Variants in SCFD1 observed in about 807,000 individuals in gnomAD.
SCFD1 encodes the protein sec1 family domain-containing protein 1.
Under a neutral mutation model 103.2 loss-of-function variants are expected in SCFD1, and 37 were observed. That is an observed-to-expected ratio of 0.36 (90% CI 0.28 to 0.47). The LOEUF (loss-of-function observed/expected upper bound fraction) is 0.47, where lower values mean the gene tolerates loss of function less well. Among genes scored for constraint, SCFD1 ranks in the 20% least tolerant of loss-of-function variants. The pLI is 1.00. For missense variants in SCFD1, 639 were observed against 761.2 expected (o/e 0.84, Z 1.89); for synonymous variants, 264 against 245.0 (o/e 1.08, Z -0.73).
intron 7 of SCFD1, among the ~76,000 whole-genome samples, chr14:30,648,091 C>T (rs1347327476): frequency 3.9e-5 from 6 of 152,132 alleles, no homozygotes; most frequent in African/African-American, 1.4e-4. Flanking sequence ...TACATATACA[C>T]ACAGACTTAG....
chr14:30,627,585 A>G (rs1883608872), intron 1 of SCFD1, among the ~76,000 whole-genome samples: 1 of 152,018 alleles, frequency 6.6e-6, no homozygotes, highest in Non-Finnish European at 1.5e-5. Flanking sequence ...CATCTCTACT[A>G]GAAATACAAA....
intron 6 of SCFD1, among the ~76,000 whole-genome samples, chr14:30,642,409 A>G (rs183507600): frequency 1.5e-3 from 229 of 152,284 alleles, no homozygotes; most frequent in African/African-American, 5.2e-3. Flanking sequence ...TAGGTTTTTT[A>G]GAATTATTCA....
At chr14:30,657,983 A>G (rs1348314013) in intron 10 of SCFD1, 1 of 402,346 alleles carries the variant, frequency 2.5e-6, no homozygotes, top group Non-Finnish European at 4.9e-6. Context: ...AAAAAAAAAG[A>G]AAAAGCAACT....
intron 10 of SCFD1, among the ~76,000 whole-genome samples, chr14:30,663,430 A>G (rs1353455165): frequency 6.6e-6 from 1 of 152,124 alleles, no homozygotes; most frequent in African/African-American, 2.4e-5. Context: ...CAATTGTGCT[A>G]TTTTTACTTT....
Position 30,665,415 on chromosome 14 carries a change from C to T in SCFD1, c.856-4841C>T, listed in dbSNP as rs565724598. Among the ~76,000 whole-genome samples the T allele has an allele frequency of 2.6e-5, 4 of 152,250 alleles. No individual in the cohort carries two copies. In the South Asian group the frequency reaches 8.3e-4, roughly 32 times the overall value. ...AAGCACTAAACATGGAAAGGAACAACCAGTACCAGCCACTGCAAAAACATG... is the reference window on the plus strand; with the variant it reads ...AAGCACTAAACATGGAAAGGAACAATCAGTACCAGCCACTGCAAAAACATG... On this transcript the variant is annotated intron_variant, in intron 10 of 24. Coordinates refer to ENST00000458591, the MANE Select transcript of SCFD1 (RefSeq NM_016106.4).
At chr14:30,724,198 A>G (rs373882145) in intron 23 of SCFD1, among the ~76,000 whole-genome samples, 9 of 78,304 alleles carry the variant, frequency 1.1e-4, no homozygotes, top group Non-Finnish European at 2.3e-4. Context: ...GGCCACATGT[A>G]TGTCTTCTTT....
At chr14:30,663,432 T>G (rs1468230006) in intron 10 of SCFD1, among the ~76,000 whole-genome samples, 3 of 152,240 alleles carry the variant, frequency 2.0e-5, no homozygotes, top group African/African-American at 7.2e-5. Flanking sequence ...ATTGTGCTAT[T>G]TTTACTTTCT....
In SCFD1 at chr14:30,676,894, G is replaced by A. The variant is rs751268231; in HGVS notation, c.1242+1829G>A. Among the ~76,000 whole-genome samples, 132 of 152,216 alleles carry A rather than the reference G, an allele frequency of 8.7e-4. 3 individuals carry two copies. The highest frequency in any genetic ancestry group is 2.3e-3 in the Admixed American group (35 of 15,284). On this transcript the variant is annotated intron_variant, in intron 14 of 24. Coordinates refer to ENST00000458591, the MANE Select transcript of SCFD1 (RefSeq NM_016106.4). ...GATTTATAAGACATAATTTACTTAC[G>A]AAATTTTTATCGTGCTTATTATAAT...
intron 10 of SCFD1, among the ~76,000 whole-genome samples, chr14:30,664,600 C>CTG (rs1290068407): frequency 6.6e-6 from 1 of 151,990 alleles, no homozygotes; most frequent in Non-Finnish European, 1.5e-5. Context: ...TTTCTCCAAG[C>CTG]TGAAGGAGGA....
rs1293345750 is a variant in SCFD1 at position 30,700,971 on chromosome 14, A to C, written c.1410+713A>C. 2.6e-5 allele frequency among the ~76,000 whole-genome samples: 4 copies of C among 152,356 alleles called. No individual in the cohort carries two copies. The South Asian group carries it at 8.3e-4, about 32-fold the overall frequency. ...ATACGTTGTCTATTCTGTAAAAGAA[A>C]GTGGTGATTTTGGTATCAGACTTCT... is the stretch of plus-strand genomic sequence containing the variant. On this transcript the variant is annotated intron_variant, in intron 16 of 24. Coordinates refer to ENST00000458591, the MANE Select transcript of SCFD1 (RefSeq NM_016106.4).
chr14:30,653,497 G>A lies in SCFD1; in HGVS notation c.764G>A (p.Arg255Lys). 1 of 1,609,214 alleles carries A rather than the reference G, an allele frequency of 6.2e-7. No individual in the cohort carries two copies. The highest frequency in any genetic ancestry group is 8.5e-7 in the Non-Finnish European group (1 of 1,176,074). Residue 255 changes from arginine (R) to lysine (K), a missense_variant, in exon 10 of 25, where the codon AGG (arginine) becomes AAG (lysine). Transcript: ENST00000458591. ...TATATGTATATTTACAGCTTCCAGAGGCCCTTATTAGTCCTTGTTGACAGA... is the reference window on the plus strand; with the variant it reads ...TATATGTATATTTACAGCTTCCAGAAGCCCTTATTAGTCCTTGTTGACAGA... ...TLGAGQFSFQ[R>K]PLLVLVDRNI...
chr14:30,726,479 A>G (rs1404398266), intron 23 of SCFD1, among the ~76,000 whole-genome samples: 1 of 152,208 alleles, frequency 6.6e-6, no homozygotes, highest in Non-Finnish European at 1.5e-5. Context: ...TAGCAATTAC[A>G]TTATGATTTA....
chr14:30,734,775 C>T lies in SCFD1; in HGVS notation c.1837-15C>T, dbSNP rs772212543. ...CTTGTTACTTGTATCTAAGTTCTGA[C>T]TCTGATTTTTACAGGGGAAACAAGG... On this transcript the variant is annotated splice_polypyrimidine_tract_variant and intron_variant, in intron 23 of 24. Coordinates refer to ENST00000458591, the MANE Select transcript of SCFD1 (RefSeq NM_016106.4). The T allele has an allele frequency of 2.5e-6, 4 of 1,601,560 alleles. No homozygotes were observed. Among genetic ancestry groups the T allele is most frequent in the Non-Finnish European group, 3.4e-6 (4 of 1,168,786 alleles).
chr14:30,643,547 G>A (rs1885504027), intron 7 of SCFD1, 142 bp downstream of exon 7: 1 of 618,202 alleles, frequency 1.6e-6, no homozygotes, highest in East Asian at 2.8e-5. Flanking sequence ...ATATTCAATA[G>A]TATATAAAAA....
intron 14 of SCFD1, among the ~76,000 whole-genome samples, chr14:30,684,126 A>C (rs562989269): frequency 2.0e-5 from 3 of 152,186 alleles, no homozygotes; most frequent in African/African-American, 4.8e-5. Flanking sequence ...TCGTCTGGCA[A>C]ATGTCCCAGG....
At chr14:30,647,980 A>G (rs551441540) in intron 7 of SCFD1, among the ~76,000 whole-genome samples, 8 of 152,328 alleles carry the variant, frequency 5.3e-5, no homozygotes, top group African/African-American at 1.9e-4. Context: ...GAGAAATTGA[A>G]ATTATTGCCA....
intron 7 of SCFD1, among the ~76,000 whole-genome samples, chr14:30,646,828 TG>T (rs1378379981): frequency 1.3e-5 from 2 of 152,200 alleles, no homozygotes; most frequent in African/African-American, 4.8e-5. Context: ...GTTTCTTCCT[TG>T]TTAAACCTTG....
intron 21 of SCFD1, among the ~76,000 whole-genome samples, chr14:30,721,322 ATGT>A (rs1277123830): frequency 6.7e-6 from 1 of 150,224 alleles, no homozygotes; most frequent in Non-Finnish European, 1.5e-5. Flanking sequence ...GCACTCAAAT[ATGT>A]AAGTCTAGAC....
In SCFD1 at chr14:30,696,580, A is replaced by G. The variant is rs557180623; in HGVS notation, c.1339+1711A>G. Among the ~76,000 whole-genome samples the G allele has an allele frequency of 7.2e-5, 11 of 152,336 alleles. No homozygotes were observed. In the South Asian group the frequency reaches 2.3e-3, roughly 32 times the overall value. On this transcript the variant is annotated intron_variant, in intron 15 of 24. Coordinates refer to ENST00000458591, the MANE Select transcript of SCFD1 (RefSeq NM_016106.4). ...GAACCTGAGCAAGATGACTAAGGGC[A>G]TCCACTCATGGAATAGAGGGAGGAT...
Sources: gnomAD v4.1 joint callset for allele counts (sites outside exome capture counted in the v4.1 genomes callset) on GRCh38, gnomAD v4.1.1 for gene constraint, MANE v1.5 for transcripts, NCBI Gene and HGNC (gene_info 2026-07-23, HGNC 2026-07-21) for gene names.